SLC26A8: variants seen among roughly 807,000 people sequenced by gnomAD.
The protein encoded by SLC26A8 is solute carrier family 26 member 8.
Under a neutral mutation model 105.0 loss-of-function variants are expected in SLC26A8, and 70 were observed. That is an observed-to-expected ratio of 0.67 (90% CI 0.55 to 0.81). The LOEUF (loss-of-function observed/expected upper bound fraction) is 0.81. Among genes scored for constraint, SLC26A8 ranks in the 40% least tolerant of loss-of-function variants. The pLI is 0.00. For synonymous variants in SLC26A8, 415 were observed against 438.3 expected, an observed-to-expected ratio of 0.95 and a Z score of 0.66; for missense variants, 998 against 1,181.8, an observed-to-expected ratio of 0.84 and a Z score of 2.28.
At chr6:35,946,262 A>C (rs550101789) in intron 19 of SLC26A8, among the ~76,000 whole-genome samples, 1 of 152,262 alleles carries the variant, frequency 6.6e-6, no homozygotes, top group African/African-American at 2.4e-5. Flanking sequence ...TTTTAGACAG[A>C]GTATCACTCT....
At chr6:36,016,724 C>T (rs1232474262) in intron 2 of SLC26A8, among the ~76,000 whole-genome samples, 1 of 152,150 alleles carries the variant, frequency 6.6e-6, no homozygotes, top group Non-Finnish European at 1.5e-5. Context: ...ATCTCTTCAA[C>T]TAATTGTCCT....
At chr6:36,020,588 C>T (rs192292458) in intron 1 of SLC26A8, among the ~76,000 whole-genome samples, 42 of 152,162 alleles carry the variant, frequency 2.8e-4, no homozygotes, top group Non-Finnish European at 5.7e-4. Flanking sequence ...CACTGTACTC[C>T]AGCCTGGGTG....
intron 11 of SLC26A8, among the ~76,000 whole-genome samples, chr6:35,965,320 G>A (rs942822426): frequency 6.6e-6 from 1 of 152,020 alleles, no homozygotes; most frequent in African/African-American, 2.4e-5. Flanking sequence ...GGATTTATAC[G>A]CACAAGCATA....
At chr6:35,957,346 T>C (rs1201040392) in intron 16 of SLC26A8, among the ~76,000 whole-genome samples, 1 of 152,118 alleles carries the variant, frequency 6.6e-6, no homozygotes, top group African/African-American at 2.4e-5. Flanking sequence ...TTTTTTAATG[T>C]TATTCTAACA....
chr6:36,019,839 A>T, intron 1 of SLC26A8, 130 bp from the exon 2 acceptor site: 1 of 846,250 alleles, frequency 1.2e-6, no homozygotes, highest in South Asian at 2.6e-5. Flanking sequence ...GTTGTAAAAA[A>T]CTCTTTCTCA....
At chr6:35,979,041 G>A (rs952466680) in intron 8 of SLC26A8, among the ~76,000 whole-genome samples, 1 of 133,932 alleles carries the variant, frequency 7.5e-6, no homozygotes, top group Non-Finnish European at 1.6e-5. Context: ...TTTTAGAAAC[G>A]GAGTCTCACC....
chr6:36,021,758 G>A (rs1762131720), intron 1 of SLC26A8, among the ~76,000 whole-genome samples: 1 of 151,908 alleles, frequency 6.6e-6, no homozygotes, highest in South Asian at 2.1e-4. Context: ...ATATGTTTAC[G>A]TATACATATA....
chr6:35,989,506 T>C (rs1773666965), intron 7 of SLC26A8: 1 of 152,206 alleles, frequency 6.6e-6, no homozygotes, highest in Non-Finnish European at 1.5e-5. Flanking sequence ...TATGTTACCT[T>C]TTGTGTCTAG....
chr6:35,992,731 C>T (rs1437459788), intron 5 of SLC26A8, 57 bp from the exon 6 acceptor site: 2 of 1,498,508 alleles, frequency 1.3e-6, no homozygotes, highest in African/African-American at 1.4e-5. Flanking sequence ...GCAATGGCAC[C>T]AATGGCACTC....
chr6:36,001,437 G>A (rs765668099), intron 3 of SLC26A8, among the ~76,000 whole-genome samples: 1 of 152,152 alleles, frequency 6.6e-6, no homozygotes, highest in Non-Finnish European at 1.5e-5. Context: ...CAGGCCAATT[G>A]TCTTCTTGCC....
At chr6:35,979,734 T>G (rs1386008780) in intron 8 of SLC26A8, among the ~76,000 whole-genome samples, 5 of 152,206 alleles carry the variant, frequency 3.3e-5, no homozygotes, top group African/African-American at 1.2e-4. Context: ...TGTTTTTCCT[T>G]TCTGTTCTCT....
At chr6:36,019,370 C>T in intron 2 of SLC26A8, 150 bp downstream of exon 2, 2 of 841,786 alleles carry the variant, frequency 2.4e-6, no homozygotes, top group Non-Finnish European at 3.5e-6. Flanking sequence ...CAAGACAAAC[C>T]ACAAAAATGA....
chr6:35,983,244 T>A (rs1459220896), intron 7 of SLC26A8, among the ~76,000 whole-genome samples: 1 of 151,794 alleles, frequency 6.6e-6, no homozygotes, highest in African/African-American at 2.4e-5. Flanking sequence ...AGAAGAAGAG[T>A]CTTGGTTTTT....
chr6:35,952,094 A>G (rs1040116115), intron 17 of SLC26A8, among the ~76,000 whole-genome samples: 4 of 152,206 alleles, frequency 2.6e-5, no homozygotes, highest in Admixed American at 2.6e-4. Context: ...AACAGTATAT[A>G]TCAAGACAGG....
rs1216775389 is a variant in SLC26A8, at chr6:35,981,817, T to C, written c.1025+304A>G. On this transcript the variant is annotated intron_variant, in intron 8 of 19. Coordinates refer to ENST00000490799, the MANE Select transcript of SLC26A8 (RefSeq NM_052961.4). This position sits in a 1 kb window ranked among gnomAD's most constrained non-coding sequence, Gnocchi z 4.0. ...CCCTTGAGAATTAATCAGAGAGGTA[T>C]AGTAGTTGAGAAGGCCTATCATGTG... Among the ~76,000 whole-genome samples the C allele has an allele frequency of 6.6e-6, 1 of 152,094 alleles. No homozygotes were observed. The highest frequency in any genetic ancestry group is 1.5e-5 in the Non-Finnish European group (1 of 68,022).
At chr6:35,993,754 G>C (rs1006205402) in intron 5 of SLC26A8, among the ~76,000 whole-genome samples, 1 of 152,084 alleles carries the variant, frequency 6.6e-6, no homozygotes, top group African/African-American at 2.4e-5. Context: ...GGTTGGGTGT[G>C]GTGGCTCATG....
chr6:35,971,028 A>AAAC (rs368306720), intron 10 of SLC26A8, among the ~76,000 whole-genome samples: 6,165 of 151,774 alleles, frequency 0.041, 183 homozygotes, highest in African/African-American at 0.083. Context: ...CTCCATCTCA[A>AAAC]AACAACAACA....
At chr6:35,963,517 C>G (rs1434825150) in intron 11 of SLC26A8, among the ~76,000 whole-genome samples, 1 of 152,222 alleles carries the variant, frequency 6.6e-6, no homozygotes, top group Non-Finnish European at 1.5e-5. Flanking sequence ...TTCTAATAAA[C>G]TTTCCTTTTT....
intron 2 of SLC26A8, among the ~76,000 whole-genome samples, chr6:36,015,106 CTT>C (rs771966624): frequency 1.5e-4 from 19 of 126,982 alleles, no homozygotes; most frequent in Admixed American, 1.6e-4. Context: ...CAAAATTGTG[CTT>C]TTTTTTTTTT....
Sources: allele counts gnomAD v4.1 joint callset (sites outside exome capture counted in the v4.1 genomes callset), GRCh38; gene constraint gnomAD v4.1.1; non-coding constraint Gnocchi (gnomAD v3.1); transcripts MANE v1.5; gene names NCBI Gene and HGNC (gene_info 2026-07-23, HGNC 2026-07-21).